Variants in RANBP2 observed in about 807,000 individuals in gnomAD.
RANBP2 encodes the protein E3 SUMO-protein ligase RanBP2.
In RANBP2, 57 loss-of-function variants were observed where a neutral mutation model predicts 303.6. That is an observed-to-expected ratio of 0.19 (90% CI 0.15 to 0.23). The LOEUF (loss-of-function observed/expected upper bound fraction) is 0.23. Among genes scored for constraint, RANBP2 ranks in the 10% least tolerant of loss-of-function variants. The pLI is 1.00. For missense variants in RANBP2, 3,138 were observed against 3,780.8 expected (o/e 0.83, Z 4.46); for synonymous variants, 1,167 against 1,301.5 (o/e 0.90, Z 2.23).
chr2:109,515,259 C>T, the RANBP2 span, among the ~76,000 whole-genome samples: 26 of 152,284 alleles, frequency 1.7e-4, no homozygotes, highest in South Asian at 4.1e-4. Context: ...CACCCCTTGA[C>T]GCCAAACAGT....
At chr2:109,336,865 G>A in the RANBP2 span, among the ~76,000 whole-genome samples, 1 of 152,220 alleles carries the variant, frequency 6.6e-6, no homozygotes, top group African/African-American at 2.4e-5. Flanking sequence ...TCAACACCTG[G>A]TGCAGTGAAG....
chr2:108,749,874 G>A (rs186669712), intron 9 of RANBP2, among the ~76,000 whole-genome samples: 4 of 152,244 alleles, frequency 2.6e-5, no homozygotes, highest in East Asian at 1.9e-4. Flanking sequence ...ATTAGGCCTG[G>A]CACAGTGGCT....
chr2:109,593,409 C>CTTT, the RANBP2 span, among the ~76,000 whole-genome samples: 5 of 133,804 alleles, frequency 3.7e-5, 1 homozygote, highest in Admixed American at 8.0e-5. Flanking sequence ...AGAGAAAGAA[C>CTTT]TTTTTTTTTT....
the RANBP2 span, among the ~76,000 whole-genome samples, chr2:109,072,031 T>C: frequency 6.6e-6 from 1 of 152,160 alleles, no homozygotes; most frequent in South Asian, 2.1e-4. Context: ...AAACACAAAG[T>C]CTTATGGGAA....
chr2:108,741,621 T>A (rs2149167075), intron 7 of RANBP2, among the ~76,000 whole-genome samples: 1 of 143,838 alleles, frequency 7.0e-6, no homozygotes, highest in South Asian at 2.4e-4. Flanking sequence ...TTTTCCTGCC[T>A]CAGCCTCCCG....
the RANBP2 span, among the ~76,000 whole-genome samples, chr2:109,606,929 GGCAT>G: frequency 1.2e-4 from 18 of 152,154 alleles, 1 homozygote; most frequent in African/African-American, 3.9e-4. Context: ...TGGGATTACA[GGCAT>G]GAGCCACCAC....
the RANBP2 span, among the ~76,000 whole-genome samples, chr2:109,485,123 A>G: frequency 2.6e-5 from 4 of 152,194 alleles, no homozygotes; most frequent in African/African-American, 4.8e-5. Flanking sequence ...GTCCCTTTCT[A>G]TCTGCTTCCC....
At chr2:108,731,519 T>A in intron 4 of RANBP2, 45 bp downstream of exon 4, 2 of 1,609,060 alleles carry the variant, frequency 1.2e-6, no homozygotes, top group Non-Finnish European at 1.7e-6. Flanking sequence ...GACATAACCA[T>A]TTCTAATATT....
rs1678477269 is a variant in RANBP2, at chr2:108,784,609, G to C, written c.*708G>C. On this transcript the variant is annotated 3_prime_UTR_variant, in exon 29 of 29. Transcript: ENST00000283195. ...TCTGTCATCTGTCTCTACTACCTCA[G>C]AAACTGCAGCTTGGTTCTGATGATA... 6.6e-6 allele frequency: 1 copy of C among 152,570 alleles called. No homozygotes were observed. The highest frequency in any genetic ancestry group is 1.5e-5 in the Non-Finnish European group (1 of 68,034). 9.5% of individuals were successfully genotyped at this position (152,570 alleles called of 1,614,324 possible).
At chr2:109,419,712 C>T in the RANBP2 span, 1 of 1,440,508 alleles carries the variant, frequency 6.9e-7, no homozygotes. Flanking sequence ...CTGACCTGTC[C>T]ACGTGTGGTT....
the RANBP2 span, among the ~76,000 whole-genome samples, chr2:109,319,656 A>C: frequency 2.0e-5 from 3 of 152,034 alleles, no homozygotes; most frequent in African/African-American, 7.2e-5. Context: ...TCCCCTTATC[A>C]TCTCCTCCTC....
At chr2:108,722,060 T>TAA (rs945739734) in intron 1 of RANBP2, among the ~76,000 whole-genome samples, 30 of 135,940 alleles carry the variant, frequency 2.2e-4, no homozygotes, top group Middle Eastern at 3.6e-3. Context: ...TAAACAAGCT[T>TAA]AAAAAAAAAA....
At chr2:109,242,563 G>C in the RANBP2 span, among the ~76,000 whole-genome samples, 1 of 152,232 alleles carries the variant, frequency 6.6e-6, no homozygotes, top group Non-Finnish European at 1.5e-5. Flanking sequence ...TGTCTGCACT[G>C]ACCACCGTGC....
the RANBP2 span, among the ~76,000 whole-genome samples, chr2:109,165,793 G>C: frequency 1.3e-5 from 2 of 152,124 alleles, no homozygotes; most frequent in South Asian, 4.1e-4. Flanking sequence ...TTTAGCATGA[G>C]TGTGTTAAAT....
At chr2:109,358,317 A>G in the RANBP2 span, among the ~76,000 whole-genome samples, 1 of 152,200 alleles carries the variant, frequency 6.6e-6, no homozygotes, top group Non-Finnish European at 1.5e-5. Flanking sequence ...CATCTTGGTT[A>G]CTTCCATGTT....
the RANBP2 span, among the ~76,000 whole-genome samples, chr2:109,271,994 A>G: frequency 4.0e-4 from 61 of 152,264 alleles, no homozygotes; most frequent in Admixed American, 1.6e-3. Flanking sequence ...GTCTTTGGGT[A>G]CATCTGGTAT....
the RANBP2 span, among the ~76,000 whole-genome samples, chr2:109,110,281 G>A: frequency 6.6e-6 from 1 of 152,162 alleles, no homozygotes; most frequent in Non-Finnish European, 1.5e-5. Context: ...GCTATGAGTG[G>A]GTGAGACTGC....
chr2:109,515,558 G>A, the RANBP2 span, among the ~76,000 whole-genome samples: 437 of 152,132 alleles, frequency 2.9e-3, 2 homozygotes, highest in African/African-American at 9.8e-3. Context: ...TCAGGAGAGC[G>A]CCTCATCCCC....
At chr2:108,988,097 T>C in the RANBP2 span, among the ~76,000 whole-genome samples, 1 of 152,226 alleles carries the variant, frequency 6.6e-6, no homozygotes, top group Non-Finnish European at 1.5e-5. Context: ...TCTCCTCACA[T>C]GCGTGTACCC....
Sources: gnomAD v4.1 joint callset for allele counts (sites outside exome capture counted in the v4.1 genomes callset) on GRCh38, gnomAD v4.1.1 for gene constraint, MANE v1.5 for transcripts, NCBI Gene and HGNC (gene_info 2026-07-23, HGNC 2026-07-21) for gene names.